The following TMEM114 variants were observed in gnomAD, a reference collection of about 807,000 sequenced individuals.
TMEM114 encodes the protein claudin-26.
A neutral mutation model predicts 6.2 loss-of-function variants in TMEM114; 6 were observed. That is an observed-to-expected ratio of 0.97 (90% confidence interval 0.53 to 1.91). The LOEUF is 1.91. TMEM114 is among the 40% of genes most tolerant of loss of function. The probability of loss-of-function intolerance (pLI) is 0.01; values close to 1 mark genes in which losing one functional copy is unlikely to be tolerated. For synonymous variants in TMEM114, 104 were observed against 73.0 expected (o/e 1.42, Z -2.16); for missense variants, 218 against 158.3 (o/e 1.38, Z -2.02).
chr16:8,549,499 T>C (rs1464087147), intron 2 of TMEM114, among the ~76,000 whole-genome samples: 3 of 105,328 alleles, frequency 2.8e-5, no homozygotes, highest in African/African-American at 4.4e-5. Context: ...AAACTCCGTC[T>C]CGAAAAAAAA....
the TMEM114 span, among the ~76,000 whole-genome samples, chr16:8,527,675 T>G: frequency 9.2e-5 from 14 of 152,190 alleles, no homozygotes; most frequent in African/African-American, 3.4e-4. Flanking sequence ...GTGGTAGTTT[T>G]GGGCCCCACT....
chr16:8,540,357 C>T (rs1467617813), intron 2 of TMEM114, among the ~76,000 whole-genome samples: 1 of 152,140 alleles, frequency 6.6e-6, no homozygotes, highest in East Asian at 1.9e-4. Context: ...GATCGCTCGC[C>T]TGCTGGGTAT....
At chr16:8,551,754 G>C (rs1430061351) in intron 2 of TMEM114, among the ~76,000 whole-genome samples, 4 of 152,218 alleles carry the variant, frequency 2.6e-5, no homozygotes, top group African/African-American at 9.6e-5. Context: ...TGTGTTTCTA[G>C]GGGTGTTTCA....
chr16:8,547,568 T>C (rs971451298), intron 2 of TMEM114, among the ~76,000 whole-genome samples: 6 of 152,044 alleles, frequency 3.9e-5, no homozygotes, highest in African/African-American at 1.2e-4. Context: ...AATTTTTGTA[T>C]TTTTAGTAGA....
chr16:8,546,385 T>C (rs750883377), intron 2 of TMEM114, among the ~76,000 whole-genome samples: 8 of 152,122 alleles, frequency 5.3e-5, no homozygotes, highest in Non-Finnish European at 1.2e-4. Flanking sequence ...GGTTTACATG[T>C]TTACCTGAGA....
At chr16:8,534,491 G>A (rs1325084353), downstream of TMEM114, among the ~76,000 whole-genome samples, 1 of 152,148 alleles carries the variant, frequency 6.6e-6, no homozygotes, top group Non-Finnish European at 1.5e-5. Flanking sequence ...TGCTGGGAGG[G>A]TCTCTCCAAT....
chr16:8,546,419 A>T (rs1900666909), intron 2 of TMEM114, among the ~76,000 whole-genome samples: 1 of 152,220 alleles, frequency 6.6e-6, no homozygotes, highest in African/African-American at 2.4e-5. Flanking sequence ...GACAGTAGCC[A>T]GACTCTATAT....
intron 2 of TMEM114, among the ~76,000 whole-genome samples, chr16:8,572,829 T>C (rs1394241088): frequency 6.6e-6 from 1 of 152,106 alleles, no homozygotes; most frequent in Non-Finnish European, 1.5e-5. Context: ...AGGAAGAACT[T>C]GGGATTGGGG....
chr16:8,546,205 C>T (rs1176566340), intron 2 of TMEM114, among the ~76,000 whole-genome samples: 1 of 152,184 alleles, frequency 6.6e-6, no homozygotes, highest in East Asian at 1.9e-4. Context: ...AACACTTTTA[C>T]ATGCACCACG....
chr16:8,530,182 C>A, the TMEM114 span, among the ~76,000 whole-genome samples: 34 of 152,322 alleles, frequency 2.2e-4, no homozygotes, highest in South Asian at 8.3e-4. Context: ...ACCCTCTAAT[C>A]TCACCTGATA....
Position 8,589,812 on chromosome 16 carries a change from G to A in TMEM114, c.27C>T (p.Ala9=), listed in dbSNP as rs1032753971. Residue 9 remains alanine (A), a synonymous_variant, in exon 1 of 4, where the codon GCC becomes GCT. Transcript: ENST00000620492. MRVHLGGL[A]GAAALTGALS... ...GCGCCCCGGTCAGCGCAGCCGCGCC[G>A]GCCAGCCCGCCCAGGTGCACCCGCA... The A allele has an allele frequency of 4.0e-5, 16 of 398,294 alleles. No individual in the cohort carries two copies. The highest frequency in any genetic ancestry group is 3.1e-4 in the African/African-American group (15 of 48,562). The allele number at this position is 398,294 out of a possible 1,614,324, so 24.7% of individuals were successfully genotyped here.
chr16:8,564,763 G>A (rs1901469913), downstream of TMEM114, among the ~76,000 whole-genome samples: 1 of 151,540 alleles, frequency 6.6e-6, no homozygotes, highest in Non-Finnish European at 1.5e-5. Flanking sequence ...ATGAGTGAGT[G>A]AATGAGTAAA....
rs1901661691 is a variant in TMEM114 at position 8,569,758 on chromosome 16, A to G, written c.*15T>C. ...GCCAAGCCCCTCCCTCCCCTCCACG[A>G]CCCAGCGCCCAGGCTCATATGGCCT... On this transcript the variant is annotated 3_prime_UTR_variant, in exon 4 of 4. Coordinates refer to ENST00000620492, the MANE Select transcript of TMEM114 (RefSeq NM_001146336.2). The G allele has an allele frequency of 1.3e-6, 2 of 1,544,564 alleles. No individual in the cohort carries two copies. Among genetic ancestry groups the G allele is most frequent in the Non-Finnish European group, 8.8e-7 (1 of 1,142,804 alleles).
chr16:8,539,438 C>G (rs1162591233), intron 2 of TMEM114, among the ~76,000 whole-genome samples: 1 of 152,170 alleles, frequency 6.6e-6, no homozygotes, highest in Non-Finnish European at 1.5e-5. Flanking sequence ...TCTCTCTGAC[C>G]CTCATCAGAC....
intron 2 of TMEM114, among the ~76,000 whole-genome samples, chr16:8,560,103 C>G (rs1192237645): frequency 6.6e-6 from 1 of 152,180 alleles, no homozygotes; most frequent in Non-Finnish European, 1.5e-5. Context: ...CTCAATTCCC[C>G]CACCTCAGCC....
chr16:8,560,771 C>T (rs1314028893), intron 2 of TMEM114, among the ~76,000 whole-genome samples: 1 of 152,316 alleles, frequency 6.6e-6, no homozygotes, highest in Non-Finnish European at 1.5e-5. Flanking sequence ...TCAGCCCCAA[C>T]GTTCACCTCC....
intron 2 of TMEM114, among the ~76,000 whole-genome samples, chr16:8,587,295 A>G (rs1305196848): frequency 6.6e-6 from 1 of 152,224 alleles, no homozygotes; most frequent in Non-Finnish European, 1.5e-5. Flanking sequence ...ATGTTTGTTC[A>G]GCAAACTTTG....
chr16:8,543,662 C>T (rs1043103587), intron 2 of TMEM114, among the ~76,000 whole-genome samples: 7 of 152,114 alleles, frequency 4.6e-5, no homozygotes, highest in African/African-American at 1.7e-4. Context: ...GCCTTGGGCT[C>T]CTAGAGCCTC....
chr16:8,569,050 A>T (rs998957978), downstream of TMEM114, among the ~76,000 whole-genome samples: 1 of 152,208 alleles, frequency 6.6e-6, no homozygotes, highest in African/African-American at 2.4e-5. Context: ...TGGGGGTGGC[A>T]TCAGCCCGAG....
Sources: allele counts gnomAD v4.1 joint callset (sites outside exome capture counted in the v4.1 genomes callset), GRCh38; gene constraint gnomAD v4.1.1; transcripts MANE v1.5; gene names NCBI Gene and HGNC (gene_info 2026-07-23, HGNC 2026-07-21).